The following LOC400499 variants were observed in gnomAD, a reference collection of about 807,000 sequenced individuals.
At chr16:11,393,356 C>G in the LOC400499 span, 1 of 1,231,584 alleles carries the variant, frequency 8.1e-7, no homozygotes, top group Non-Finnish European at 1.0e-6. Flanking sequence ...GGGCCGTGGC[C>G]CAGCTAGCTG....
chr16:11,507,584 G>A, the LOC400499 span, among the ~76,000 whole-genome samples: 4 of 152,174 alleles, frequency 2.6e-5, no homozygotes, highest in Non-Finnish European at 5.9e-5. Flanking sequence ...ATTAGATAAC[G>A]CAAGTGAGGC....
the LOC400499 span, among the ~76,000 whole-genome samples, chr16:11,452,163 G>C: frequency 6.6e-6 from 1 of 150,840 alleles, no homozygotes; most frequent in Non-Finnish European, 1.5e-5. Flanking sequence ...GGCAAACTCA[G>C]GCCCTCCAGA....
the LOC400499 span, among the ~76,000 whole-genome samples, chr16:11,408,382 G>A: frequency 3.7e-3 from 560 of 151,724 alleles, 2 homozygotes; most frequent in African/African-American, 0.013. Context: ...AGAAACAATC[G>A]GACAAATCCA....
the LOC400499 span, among the ~76,000 whole-genome samples, chr16:11,391,205 T>C: frequency 2.0e-5 from 3 of 152,252 alleles, no homozygotes; most frequent in East Asian, 1.9e-4. Context: ...GGCTCTGTGC[T>C]GTGCTGGGCA....
the LOC400499 span, among the ~76,000 whole-genome samples, chr16:11,433,186 T>C: frequency 6.6e-6 from 1 of 152,344 alleles, no homozygotes; most frequent in South Asian, 2.1e-4. Flanking sequence ...ATTTCCCATC[T>C]GGCCTTTTAC....
At chr16:11,447,957 C>A in the LOC400499 span, 1 of 1,535,922 alleles carries the variant, frequency 6.5e-7, no homozygotes, top group African/African-American at 1.4e-5. Context: ...CCCCCCGTTT[C>A]CGGTACAATG....
chr16:11,397,757 TGGAGGGAG>T, the LOC400499 span, among the ~76,000 whole-genome samples: 2 of 16,102 alleles, frequency 1.2e-4, no homozygotes, highest in African/African-American at 2.3e-4. Context: ...GAGGGAGGGA[TGGAGGGAG>T]GGAGGGATGG....
the LOC400499 span, among the ~76,000 whole-genome samples, chr16:11,486,243 T>C: frequency 8.2e-6 from 1 of 122,212 alleles, no homozygotes; most frequent in East Asian, 2.7e-4. Flanking sequence ...GTTTGGTAAA[T>C]GGATTGAGTG....
At chr16:11,383,925 G>C in the LOC400499 span, 2 of 1,231,872 alleles carry the variant, frequency 1.6e-6, no homozygotes, top group Non-Finnish European at 1.0e-6. Context: ...GGGGGCCCTC[G>C]AAGAAGGCCC....
the LOC400499 span, chr16:11,411,233 G>A: frequency 2.5e-6 from 1 of 399,310 alleles, no homozygotes; most frequent in Admixed American, 4.4e-5. Context: ...CCAGGCAGCT[G>A]GGGCACAGTT....
chr16:11,391,978 G>C, the LOC400499 span: 1 of 449,572 alleles, frequency 2.2e-6, no homozygotes. Context: ...TCTCCAACCT[G>C]AGCCCCCACC....
the LOC400499 span, among the ~76,000 whole-genome samples, chr16:11,397,745 GGGAGGGAGGGATGGAGGGAGGGAGGGAT>G: frequency 0.011 from 873 of 79,366 alleles, 32 homozygotes; most frequent in Admixed American, 0.07. Flanking sequence ...TTGGGATGGA[GGGAGGGAGGGATGGAGGGAGGGAGGGAT>G]GGAGGGAGGG....
At chr16:11,516,540 G>C in the LOC400499 span, among the ~76,000 whole-genome samples, 19 of 152,280 alleles carry the variant, frequency 1.2e-4, no homozygotes, top group East Asian at 3.5e-3. Context: ...AAATGGACAG[G>C]TGTGTGAGAC....
At chr16:11,472,314 TC>T in the LOC400499 span, 1 of 151,878 alleles carries the variant, frequency 6.6e-6, no homozygotes, top group African/African-American at 2.4e-5. Context: ...TGCCTCAGCC[TC>T]CCGGGTAGCT....
chr16:11,470,216 A>G, the LOC400499 span, among the ~76,000 whole-genome samples: 1 of 152,104 alleles, frequency 6.6e-6, no homozygotes, highest in Non-Finnish European at 1.5e-5. Context: ...GGCCTCTCCC[A>G]TCCTTTTAAC....
the LOC400499 span, chr16:11,387,367 T>C: frequency 1.7e-6 from 2 of 1,168,092 alleles, no homozygotes; most frequent in Non-Finnish European, 2.2e-6. Context: ...GAGGGGAGCT[T>C]CTAGGTCTGC....
At chr16:11,420,553 C>T in the LOC400499 span, among the ~76,000 whole-genome samples, 1 of 151,040 alleles carries the variant, frequency 6.6e-6, no homozygotes, top group Non-Finnish European at 1.5e-5. Context: ...ATGTAACTAA[C>T]CTGCACATTG....
the LOC400499 span, among the ~76,000 whole-genome samples, chr16:11,478,866 A>G: frequency 2.0e-5 from 3 of 152,252 alleles, no homozygotes; most frequent in Admixed American, 6.5e-5. Flanking sequence ...TGTTCGCGTG[A>G]TAGTGAATGG....
the LOC400499 span, chr16:11,404,681 C>T: frequency 2.5e-6 from 1 of 399,070 alleles, no homozygotes; most frequent in Non-Finnish European, 4.4e-6. Flanking sequence ...GCCACCCCTG[C>T]CTGCAGCCCC....
Sources: allele counts gnomAD v4.1 joint callset (sites outside exome capture counted in the v4.1 genomes callset), GRCh38; gene constraint gnomAD v4.1.1; transcripts MANE v1.5.